CBL: variants seen among roughly 807,000 people sequenced by gnomAD.
CBL encodes the protein Cbl proto-oncogene.
Under a neutral mutation model 96.9 loss-of-function variants are expected in CBL, and 45 were observed. The ratio of observed to expected loss-of-function variants is 0.46; its 90% CI spans 0.37 to 0.60. CBL has a LOEUF of 0.60. Ranked by LOEUF, CBL falls within the 20% of genes least tolerant of loss-of-function variation. The pLI is 0.00. For missense variants in CBL, 1,024 were observed against 1,143.5 expected, an observed-to-expected ratio of 0.90 and a Z score of 1.51; for synonymous variants, 420 against 426.8, an observed-to-expected ratio of 0.98 and a Z score of 0.20.
intron 1 of CBL, among the ~76,000 whole-genome samples, chr11:119,222,509 A>C (rs1949419567): frequency 6.6e-6 from 1 of 152,232 alleles, no homozygotes; most frequent in Admixed American, 6.5e-5. Flanking sequence ...GTTTCTTTTT[A>C]ACATTGTTCT....
Position 119,302,404 on chromosome 11 carries a change from C to T in CBL, c.*2623C>T, listed in dbSNP as rs1950107635. ...GCACCAGTAACCCATTCTTCACCCTCCATTTGTATGGCAATTTAAAAGTCT... is the reference window on the plus strand; with the variant it reads ...GCACCAGTAACCCATTCTTCACCCTTCATTTGTATGGCAATTTAAAAGTCT... On this transcript the variant is annotated 3_prime_UTR_variant, in exon 16 of 16. Transcript: ENST00000264033. 4.3e-6 allele frequency: 1 copy of T among 232,862 alleles called. No individual in the cohort carries two copies. The highest frequency in any genetic ancestry group is 2.2e-5 in the African/African-American group (1 of 45,320). The allele number at this position is 232,862 out of a possible 1,614,324, so 14.4% of individuals were successfully genotyped here. A position where few individuals can be genotyped will look rare whatever the true frequency, so the allele number is the denominator to read the frequency against.
chr11:119,277,873 T>G, intron 7 of CBL, 29 bp downstream of exon 7: 1 of 1,377,562 alleles, frequency 7.3e-7, no homozygotes, highest in Non-Finnish European at 1.0e-6. Flanking sequence ...GATAACCATA[T>G]CACTGGACAC....
intron 3 of CBL, 90 bp downstream of exon 3, chr11:119,271,971 TG>T: frequency 7.6e-7 from 1 of 1,312,268 alleles, no homozygotes; most frequent in Non-Finnish European, 1.1e-6. Context: ...ATTTAAAATT[TG>T]GGAACTCTGA....
chr11:119,298,294 G>C, intron 14 of CBL, 64 bp from the exon 15 acceptor site: 2 of 1,385,926 alleles, frequency 1.4e-6, no homozygotes, highest in South Asian at 2.3e-5. Flanking sequence ...TGGCTGCCCC[G>C]TATTGAAATG....
intron 2 of CBL, among the ~76,000 whole-genome samples, chr11:119,236,382 C>G (rs896497854): frequency 6.6e-5 from 10 of 151,988 alleles, no homozygotes; most frequent in Middle Eastern, 3.4e-3. Context: ...AATGTTTTTA[C>G]AATTCACCCA....
intron 2 of CBL, among the ~76,000 whole-genome samples, chr11:119,244,101 TC>T (rs1949606988): frequency 1.3e-5 from 2 of 152,290 alleles, no homozygotes; most frequent in South Asian, 4.1e-4. Flanking sequence ...CAAGAACAGT[TC>T]TGAAAATTTT....
intron 6 of CBL, among the ~76,000 whole-genome samples, chr11:119,277,246 C>T (rs577466882): frequency 6.6e-6 from 1 of 150,420 alleles, no homozygotes; most frequent in Admixed American, 6.6e-5. Context: ...GTCGCGCACA[C>T]ACACACACAC....
At chr11:119,251,187 G>A (rs1296313102) in intron 2 of CBL, among the ~76,000 whole-genome samples, 4 of 152,014 alleles carry the variant, frequency 2.6e-5, no homozygotes, top group Non-Finnish European at 5.9e-5. Context: ...CACTATACAC[G>A]TTAGTTGAGC....
At chr11:119,278,132 C>T (rs1359444560) in intron 7 of CBL, 34 bp from the exon 8 acceptor site, 2 of 1,480,814 alleles carry the variant, frequency 1.4e-6, no homozygotes, top group Non-Finnish European at 1.9e-6. Context: ...GTTATTTATT[C>T]AACTAATAGT....
intron 12 of CBL, among the ~76,000 whole-genome samples, chr11:119,290,809 AC>A (rs796493129): frequency 3.3e-5 from 5 of 151,190 alleles, no homozygotes; most frequent in African/African-American, 1.2e-4. Context: ...CCAAGTAATT[AC>A]AGGCACACAC....
intron 11 of CBL, among the ~76,000 whole-genome samples, chr11:119,287,416 A>G (rs1949992044): frequency 6.6e-6 from 1 of 152,226 alleles, no homozygotes; most frequent in African/African-American, 2.4e-5. Flanking sequence ...GCACTAAGTG[A>G]ATGGCATCTC....
rs1467323146 is a variant in CBL, at chr11:119,307,096, C to G, written c.*7315C>G. The G allele has an allele frequency of 1.3e-5, 3 of 231,324 alleles. No individual in the cohort carries two copies. The Admixed American group carries it at 1.7e-4, about 13-fold the overall frequency. The allele number at this position is 231,324 out of a possible 1,614,324, so 14.3% of individuals were successfully genotyped here. On this transcript the variant is annotated 3_prime_UTR_variant, in exon 16 of 16. Coordinates refer to ENST00000264033, the MANE Select transcript of CBL (RefSeq NM_005188.4). The stretch of plus-strand genomic sequence containing the variant: ...TCTAGGAGACAGGAAAGAATGCTCT[C>G]TGTGACTGGAGAGGTGACATGCAGG...
chr11:119,247,707 A>T lies in CBL; in HGVS notation c.443+15012A>T, dbSNP rs536461476. On this transcript the variant is annotated intron_variant, in intron 2 of 15. Transcript: ENST00000264033. ...GGGCCTGTAATCCCAGCTATTTGGGAGGCTAAGGCAGGAGAATTGCTTGAA... is the reference window on the plus strand; with the variant it reads ...GGGCCTGTAATCCCAGCTATTTGGGTGGCTAAGGCAGGAGAATTGCTTGAA... Among the ~76,000 whole-genome samples the T allele has an allele frequency of 3.3e-5, 5 of 152,326 alleles. No homozygotes were observed. The East Asian group carries it at 9.6e-4, about 29-fold the overall frequency.
chr11:119,307,357 ACT>A lies in CBL; in HGVS notation c.*7580_*7581del, dbSNP rs376134331. 5,319 of 233,052 alleles carry A rather than the reference ACT, an allele frequency of 0.023. 283 individuals carry two copies. Among genetic ancestry groups the A allele is most frequent in the African/African-American group, 0.11 (4,912 of 45,328 alleles). 14.4% of individuals were successfully genotyped at this position (233,052 alleles called of 1,614,324 possible). On this transcript the variant is annotated 3_prime_UTR_variant, in exon 16 of 16. Coordinates refer to ENST00000264033, the MANE Select transcript of CBL (RefSeq NM_005188.4). ...AGTTGTGTCGAGGAGTATAGGATGGACTCTCCTGAGAAGGGGAGGTTGGTGGC... is the reference window on the plus strand; with the variant it reads ...AGTTGTGTCGAGGAGTATAGGATGGACTCCTGAGAAGGGGAGGTTGGTGGC...
At chr11:119,264,776 C>G (rs1000052239) in intron 2 of CBL, among the ~76,000 whole-genome samples, 1 of 152,084 alleles carries the variant, frequency 6.6e-6, no homozygotes, top group African/African-American at 2.4e-5. Flanking sequence ...AGGCACCATG[C>G]CCAACCTATA....
At chr11:119,227,331 C>T (rs1295973753) in intron 1 of CBL, among the ~76,000 whole-genome samples, 1 of 152,004 alleles carries the variant, frequency 6.6e-6, no homozygotes, top group African/African-American at 2.4e-5. Context: ...CTTATGATAC[C>T]TTCAACTTAG....
intron 9 of CBL, 151 bp downstream of exon 9, chr11:119,278,864 CACTTT>C: frequency 2.7e-6 from 2 of 730,458 alleles, no homozygotes; most frequent in Non-Finnish European, 4.9e-6. Flanking sequence ...TTGTGTTAAG[CACTTT>C]ACTTGTTTTT....
At chr11:119,263,133 G>T (rs552328799) in intron 2 of CBL, among the ~76,000 whole-genome samples, 36 of 152,336 alleles carry the variant, frequency 2.4e-4, no homozygotes, top group Admixed American at 2.1e-3. Context: ...GAGATGGAGA[G>T]AAGCATATAT....
Position 119,243,673 on chromosome 11 carries a change from G to A in CBL, c.443+10978G>A, listed in dbSNP as rs141751986. Among the ~76,000 whole-genome samples, 463 of 152,064 alleles carry A rather than the reference G, an allele frequency of 3.0e-3. 1 individual carries two copies. Among genetic ancestry groups the A allele is most frequent in the Non-Finnish European group, 4.4e-3 (297 of 67,992 alleles). On this transcript the variant is annotated intron_variant, in intron 2 of 15. Coordinates refer to ENST00000264033, the MANE Select transcript of CBL (RefSeq NM_005188.4). Reference sequence around the variant, plus strand: ...AATGATACCAAAATAACAACGGTAAGTATTAGAATTACAGGTGGTTTAAAT... The same window carrying A: ...AATGATACCAAAATAACAACGGTAAATATTAGAATTACAGGTGGTTTAAAT...
Sources: gnomAD v4.1 joint callset for allele counts (sites outside exome capture counted in the v4.1 genomes callset) on GRCh38, gnomAD v4.1.1 for gene constraint, MANE v1.5 for transcripts, NCBI Gene and HGNC (gene_info 2026-07-23, HGNC 2026-07-21) for gene names.